The following INSIG1 variants were observed in gnomAD, a reference collection of about 807,000 sequenced individuals.
The protein encoded by INSIG1 is insulin induced gene 1, also known as insulin-induced gene 1 protein.
In INSIG1, 14 loss-of-function variants were observed where a neutral mutation model predicts 26.5. The ratio of observed to expected loss-of-function variants is 0.53; its 90% CI spans 0.35 to 0.83. The LOEUF is 0.83. Ranked by LOEUF, INSIG1 falls within the 40% of genes least tolerant of loss-of-function variation. INSIG1 has a pLI of 0.01. For synonymous variants in INSIG1, 147 were observed against 153.3 expected, an observed-to-expected ratio of 0.96 and a Z score of 0.30; for missense variants, 272 against 368.9, an observed-to-expected ratio of 0.74 and a Z score of 2.15.
In INSIG1 at chr7:155,302,907, T is replaced by C; in HGVS notation, c.804+61T>C. On this transcript the variant is annotated intron_variant, in intron 5 of 5. Transcript: ENST00000340368. This position sits in a 1 kb window ranked among gnomAD's most constrained non-coding sequence, Gnocchi z 4.3. ...CGTCTCTTTACCTTGATAGAATGAC[T>C]TTACATGATACATTCAAATTTGCGT... 9.0e-7 allele frequency: 1 copy of C among 1,107,084 alleles called. No individual in the cohort carries two copies. The highest frequency in any genetic ancestry group is 1.4e-6 in the Non-Finnish European group (1 of 723,992). 68.6% of individuals were successfully genotyped at this position (1,107,084 alleles called of 1,614,324 possible). A position where few individuals can be genotyped will look rare whatever the true frequency, so the allele number is the denominator to read the frequency against.
Position 155,302,822 on chromosome 7 carries a change from G to A in INSIG1, c.780G>A (p.Gly260=). 1 of 1,609,166 alleles carries A rather than the reference G, an allele frequency of 6.2e-7. No homozygotes were observed. Among genetic ancestry groups the A allele is most frequent in the African/African-American group, 1.3e-5 (1 of 74,876 alleles). The part of the protein sequence containing the change: ...CIFFSGGVTV[G]NIGRQLAMGV... ...TTTTCTCAGGAGGCGTCACGGTGGG[G>A]AACATAGGACGACAGTTAGCTATGG... Residue 260 remains glycine, a synonymous_variant, in exon 5 of 6, where the codon GGG becomes GGA. Transcript: ENST00000340368. The surrounding 1 kb of genome is among the most constrained non-coding windows in gnomAD (Gnocchi z 4.3).
intron 3 of INSIG1, among the ~76,000 whole-genome samples, chr7:155,301,920 A>G (rs921852941): frequency 5.1e-5 from 5 of 97,596 alleles, no homozygotes; most frequent in African/African-American, 1.9e-4. Flanking sequence ...ATATTTTTAT[A>G]TATATTATAT....
In INSIG1 at chr7:155,304,405, G is replaced by A. The variant is rs114609103; in HGVS notation, c.804+1559G>A. Among the ~76,000 whole-genome samples, 1,059 of 152,218 alleles carry A rather than the reference G, an allele frequency of 7.0e-3. 10 individuals are homozygous for A. Among genetic ancestry groups the A allele is most frequent in the African/African-American group, 0.024 (983 of 41,538 alleles). ...TTTCTTGCTTTGAGATTTTTGTTTC[G>A]GTACTCTTTGGGAGAGAATTCCTAA... On this transcript the variant is annotated intron_variant, in intron 5 of 5. Transcript: ENST00000340368.
chr7:155,305,383 C>T (rs970539655), intron 5 of INSIG1, among the ~76,000 whole-genome samples: 2 of 152,194 alleles, frequency 1.3e-5, no homozygotes, highest in African/African-American at 4.8e-5. Flanking sequence ...CTTCACAGTG[C>T]AGTCCCCTCC....
At position 155,297,958 on chromosome 7, in the gene INSIG1, A is replaced by G. The variant is rs1194741752; in HGVS notation, c.-29A>G. On this transcript the variant is annotated splice_region_variant and 5_prime_UTR_variant, in exon 1 of 6. Coordinates refer to ENST00000340368, the MANE Select transcript of INSIG1 (RefSeq NM_005542.6). ...GCCGGCGGGCGGGCGCCTCTCGGCC[A>G]GGTACGCGGCCGGCTGGGATAGGGG... 5 of 206,468 alleles carry G rather than the reference A, an allele frequency of 2.4e-5. No individual in the cohort carries two copies. The highest frequency in any genetic ancestry group is 1.8e-4 in the South Asian group (1 of 5,416). The allele number at this position is 206,468 out of a possible 1,614,324, so 12.8% of individuals were successfully genotyped here.
intron 5 of INSIG1, among the ~76,000 whole-genome samples, chr7:155,307,957 A>C (rs1220036202): frequency 6.6e-6 from 1 of 152,242 alleles, no homozygotes; most frequent in East Asian, 1.9e-4. Flanking sequence ...GGCTTTATAT[A>C]AGGGCCTCAG....
rs971954481 is a variant in INSIG1 at position 155,302,639 on chromosome 7, T to C, written c.705-108T>C. The C allele has an allele frequency of 2.2e-6, 2 of 917,508 alleles. No individual in the cohort carries two copies. Among genetic ancestry groups the C allele is most frequent in the Non-Finnish European group, 1.7e-6 (1 of 578,580 alleles). The allele number at this position is 917,508 out of a possible 1,614,324, so 56.8% of individuals were successfully genotyped here. ...CAAACAAATATGAACATTCGTAACA[T>C]TGGATGGTTGATATGCGTTCTGCAT... On this transcript the variant is annotated intron_variant, in intron 4 of 5. Coordinates refer to ENST00000340368, the MANE Select transcript of INSIG1 (RefSeq NM_005542.6). This position sits in a 1 kb window ranked among gnomAD's most constrained non-coding sequence, Gnocchi z 4.3.
Position 155,298,552 on chromosome 7 carries a change from C to G in INSIG1, c.267C>G (p.Leu89=). The change falls in exon 2 of 6, where the codon CTC becomes CTG. Residue 89 remains leucine, a synonymous_variant. Coordinates refer to ENST00000340368, the MANE Select transcript of INSIG1 (RefSeq NM_005542.6). ...ATCATCGCCTGTTGCAGAGGAGCCT[C>G]GTGCTCTTCTCGGTTGGGGTGGTCC... The part of the protein sequence containing the change: ...TWHHRLLQRS[L]VLFSVGVVLA... 1 of 1,608,302 alleles carries G rather than the reference C, an allele frequency of 6.2e-7. No homozygotes were observed. Among genetic ancestry groups the G allele is most frequent in the Non-Finnish European group, 8.5e-7 (1 of 1,177,506 alleles).
Position 155,298,358 on chromosome 7 carries a change from G to C in INSIG1, c.73G>C (p.Ala25Pro). The C allele has an allele frequency of 6.6e-7, 1 of 1,517,998 alleles. No individual in the cohort carries two copies. The highest frequency in any genetic ancestry group is 8.8e-7 in the Non-Finnish European group (1 of 1,140,862). 94.0% of individuals were successfully genotyped at this position (1,517,998 alleles called of 1,614,324 possible). Reference sequence around the variant, plus strand: ...CGCGAGGCGCCGAGGCCCCCCGCGAGCCAGCGCCGCGGGGCTGGCGGCCAA... The same window carrying C: ...CGCGAGGCGCCGAGGCCCCCCGCGACCCAGCGCCGCGGGGCTGGCGGCCAA... ...HSARRRGPPR[A>P]SAAGLAAKVG... is the part of the protein sequence containing the mutation. Residue 25 changes from alanine to proline, a missense_variant, in exon 2 of 6, where the codon GCC (alanine) becomes CCC (proline). By Grantham distance (27) the Ala-to-Pro change is conservative. Transcript: ENST00000340368.
chr7:155,304,783 C>A (rs749822159), intron 5 of INSIG1, among the ~76,000 whole-genome samples: 2 of 152,132 alleles, frequency 1.3e-5, no homozygotes, highest in Non-Finnish European at 2.9e-5. Context: ...TCAGCTTTCT[C>A]TTCATCCTTT....
chr7:155,302,574 A>C lies in INSIG1; in HGVS notation c.704+157A>C. 1.0e-6 allele frequency: 1 copy of C among 976,300 alleles called. No homozygotes were observed. Among genetic ancestry groups the C allele is most frequent in the Non-Finnish European group, 1.5e-6 (1 of 670,586 alleles). The allele number at this position is 976,300 out of a possible 1,614,324, so 60.5% of individuals were successfully genotyped here. ...TCAAAAATGCTGCTATCCATAACTT[A>C]ATGTAACGCAAAGGAAAACCAAGTA... is the stretch of plus-strand genomic sequence containing the variant. On this transcript the variant is annotated intron_variant, in intron 4 of 5. Transcript: ENST00000340368. The surrounding 1 kb of genome is among the most constrained non-coding windows in gnomAD (Gnocchi z 4.3).
chr7:155,302,772 A>ATTC lies in INSIG1; in HGVS notation c.731_733dup (p.Ile244_Arg245insLeu). 6.2e-7 allele frequency: 1 copy of ATTC among 1,612,202 alleles called. No homozygotes were observed. Among genetic ancestry groups the ATTC allele is most frequent in the Non-Finnish European group, 8.5e-7 (1 of 1,178,330 alleles). ...GTATACATCCCCAGATTTCCTCTAT[A>ATTC]TTCGTTCTTGGCTCCCTTGTATATT... On this transcript the variant is annotated inframe_insertion, in exon 5 of 6. Transcript: ENST00000340368. This position sits in a 1 kb window ranked among gnomAD's most constrained non-coding sequence, Gnocchi z 4.3.
chr7:155,310,026 A>G lies in INSIG1; in HGVS notation c.*1756A>G, dbSNP rs1798042826. On this transcript the variant is annotated 3_prime_UTR_variant, in exon 6 of 6. Coordinates refer to ENST00000340368, the MANE Select transcript of INSIG1 (RefSeq NM_005542.6). ...TATCTGTTAGAAATAATGTAGCCAA[A>G]AGAATGTAAATTTGAGGATTTTTTT... The G allele has an allele frequency of 6.6e-6, 1 of 152,656 alleles. No homozygotes were observed. Among genetic ancestry groups the G allele is most frequent in the South Asian group, 2.1e-4 (1 of 4,832 alleles). The allele number at this position is 152,656 out of a possible 1,614,324, so 9.5% of individuals were successfully genotyped here.
At chr7:155,301,716 C>T in intron 3 of INSIG1, 26 bp downstream of exon 3, 1 of 1,527,382 alleles carries the variant, frequency 6.5e-7, no homozygotes, top group Non-Finnish European at 8.9e-7. Context: ...TGTGCTACGT[C>T]CAGAGTATCT....
At chr7:155,303,340 G>C (rs62471612) in intron 5 of INSIG1, among the ~76,000 whole-genome samples, 1 of 152,260 alleles carries the variant, frequency 6.6e-6, no homozygotes, top group East Asian at 1.9e-4. Context: ...AGTCTGTCTC[G>C]GGCCAGGGCA....
chr7:155,308,280 A>G lies in INSIG1; in HGVS notation c.*10A>G, dbSNP rs758134955. 1 of 1,612,880 alleles carries G rather than the reference A, an allele frequency of 6.2e-7. No individual in the cohort carries two copies. The highest frequency in any genetic ancestry group is 8.5e-7 in the Non-Finnish European group (1 of 1,179,072). ...GCCCCATAGTGATTGAGTCTTCAAA[A>G]CCACCGATTCTGAGAGCAAGGAAGA... is the stretch of plus-strand genomic sequence containing the variant. On this transcript the variant is annotated 3_prime_UTR_variant, in exon 6 of 6. Transcript: ENST00000340368.
At chr7:155,303,559 G>T (rs764266272) in intron 5 of INSIG1, among the ~76,000 whole-genome samples, 1 of 152,196 alleles carries the variant, frequency 6.6e-6, no homozygotes, top group Non-Finnish European at 1.5e-5. Context: ...TTCTCTCACA[G>T]CCCCCCTGAG....
chr7:155,297,920 C>T lies in INSIG1; in HGVS notation c.-67C>T, dbSNP rs1287603357. Reference sequence around the variant, plus strand: ...TGACTCCTCCTTTCCCCCGCCCCGCCTCCGTTCGGAGAGCCGGCGGGCGGG... The same window carrying T: ...TGACTCCTCCTTTCCCCCGCCCCGCTTCCGTTCGGAGAGCCGGCGGGCGGG... On this transcript the variant is annotated 5_prime_UTR_variant, in exon 1 of 6. Coordinates refer to ENST00000340368, the MANE Select transcript of INSIG1 (RefSeq NM_005542.6). 5.8e-6 allele frequency: 1 copy of T among 172,122 alleles called. No homozygotes were observed. Among genetic ancestry groups the T allele is most frequent in the Non-Finnish European group, 1.2e-5 (1 of 81,650 alleles). 10.7% of individuals were successfully genotyped at this position (172,122 alleles called of 1,614,324 possible).
At position 155,298,306 on chromosome 7, in the gene INSIG1, C is replaced by T. The variant is rs369663622; in HGVS notation, c.21C>T (p.His7=). 28 of 1,505,712 alleles carry T rather than the reference C, an allele frequency of 1.9e-5. No individual in the cohort carries two copies. The African/African-American group carries it at 3.9e-4, about 21-fold the overall frequency. The allele number at this position is 1,505,712 out of a possible 1,614,324, so 93.3% of individuals were successfully genotyped here. A position where few individuals can be genotyped will look rare whatever the true frequency, so the allele number is the denominator to read the frequency against. The part of the protein sequence containing the change: MPRLHD[H]FWSCSCAHSA... ...GACCGATGCCCAGATTGCACGACCA[C>T]TTCTGGAGCTGCTCCTGTGCGCACA... The change falls in exon 2 of 6, where the codon CAC becomes CAT. Residue 7 remains histidine (H), a synonymous_variant. Coordinates refer to ENST00000340368, the MANE Select transcript of INSIG1 (RefSeq NM_005542.6).
Sources: gnomAD v4.1 joint callset for allele counts (sites outside exome capture counted in the v4.1 genomes callset) on GRCh38, gnomAD v4.1.1 for gene constraint, Gnocchi (gnomAD v3.1) non-coding constraint, MANE v1.5 for transcripts, NCBI Gene and HGNC (gene_info 2026-07-23, HGNC 2026-07-21) for gene names.